The following MAF variants were observed in gnomAD, a reference collection of about 807,000 sequenced individuals.
MAF encodes the protein MAF bZIP transcription factor.
In MAF, 10 loss-of-function variants were observed where a neutral mutation model predicts 22.0. That is an observed-to-expected ratio of 0.45 (90% CI 0.28 to 0.77). The LOEUF (loss-of-function observed/expected upper bound fraction) is 0.77, where lower values mean the gene tolerates loss of function less well. Ranked by LOEUF, MAF falls within the 30% of genes least tolerant of loss-of-function variation. The probability of loss-of-function intolerance (pLI) is 0.12; values close to 1 mark genes in which losing one functional copy is unlikely to be tolerated. For missense variants in MAF, 544 were observed against 548.4 expected, an observed-to-expected ratio of 0.99 and a Z score of 0.08; for synonymous variants, 337 against 255.8, an observed-to-expected ratio of 1.32 and a Z score of -3.03.
the MAF span, among the ~76,000 whole-genome samples, chr16:79,347,991 T>C: frequency 6.6e-6 from 1 of 152,240 alleles, no homozygotes; most frequent in African/African-American, 2.4e-5. Flanking sequence ...AATTCCACTC[T>C]TTTTAATATT....
At chr16:79,233,970 C>T in the MAF span, among the ~76,000 whole-genome samples, 71,445 of 147,110 alleles carry the variant, frequency 0.49, 17,943 homozygotes, top group Non-Finnish European at 0.56. Context: ...CCAGTCTGGG[C>T]GAAAGAGTGA....
At chr16:79,538,938 C>T in the MAF span, among the ~76,000 whole-genome samples, 1 of 151,438 alleles carries the variant, frequency 6.6e-6, no homozygotes, top group Non-Finnish European at 1.5e-5. Context: ...AATACAAACA[C>T]TCTTGAAAAA....
chr16:79,439,523 G>A, the MAF span, among the ~76,000 whole-genome samples: 1 of 152,180 alleles, frequency 6.6e-6, no homozygotes, highest in East Asian at 1.9e-4. Flanking sequence ...GCCTCCCAAA[G>A]TGCCGGGATT....
chr16:79,447,093 A>C, the MAF span, among the ~76,000 whole-genome samples: 1 of 152,074 alleles, frequency 6.6e-6, no homozygotes, highest in African/African-American at 2.4e-5. Flanking sequence ...TTTCATGGAG[A>C]CATACAAAGT....
At chr16:79,547,106 C>G in the MAF span, among the ~76,000 whole-genome samples, 1 of 152,094 alleles carries the variant, frequency 6.6e-6, no homozygotes, top group Non-Finnish European at 1.5e-5. Flanking sequence ...GTATCTAGCA[C>G]TGTTGGGGGA....
At chr16:79,337,787 A>G in the MAF span, among the ~76,000 whole-genome samples, 2 of 152,326 alleles carry the variant, frequency 1.3e-5, no homozygotes, top group Non-Finnish European at 1.5e-5. Flanking sequence ...CCTATCGGAC[A>G]GTGCTCTGTA....
chr16:79,210,031 T>A, the MAF span, among the ~76,000 whole-genome samples: 1 of 152,098 alleles, frequency 6.6e-6, no homozygotes, highest in African/African-American at 2.4e-5. Context: ...TACTATTAAG[T>A]TCAAGTCATG....
chr16:79,471,544 G>T, the MAF span, among the ~76,000 whole-genome samples: 2 of 152,204 alleles, frequency 1.3e-5, no homozygotes, highest in African/African-American at 4.8e-5. Flanking sequence ...GGGCATGGTG[G>T]TGCACACCTG....
At chr16:79,422,387 G>C in the MAF span, among the ~76,000 whole-genome samples, 1 of 152,168 alleles carries the variant, frequency 6.6e-6, no homozygotes, top group East Asian at 1.9e-4. Context: ...TTCAAAGAAA[G>C]CATTTCATTG....
chr16:79,229,579 G>C, the MAF span: 4 of 152,238 alleles, frequency 2.6e-5, no homozygotes, highest in East Asian at 7.7e-4. Flanking sequence ...AGCGCGGCGT[G>C]GAGGCCGTTC....
the MAF span, among the ~76,000 whole-genome samples, chr16:79,325,598 A>AACACACACACACAC: frequency 2.7e-4 from 39 of 145,626 alleles, no homozygotes; most frequent in African/African-American, 9.2e-4. Flanking sequence ...CCCAGACACA[A>AACACACACACACAC]ACACACACAC....
At chr16:79,488,381 C>T in the MAF span, among the ~76,000 whole-genome samples, 17 of 152,134 alleles carry the variant, frequency 1.1e-4, no homozygotes, top group South Asian at 2.1e-4. Context: ...GGCTCTGGGG[C>T]GAGACTGCTT....
the MAF span, among the ~76,000 whole-genome samples, chr16:79,214,809 C>T: frequency 7.2e-6 from 1 of 139,428 alleles, no homozygotes; most frequent in Non-Finnish European, 1.5e-5. Context: ...CTCCCCGGTT[C>T]AAGCGATTCT....
the MAF span, among the ~76,000 whole-genome samples, chr16:79,524,388 T>C: frequency 1.3e-5 from 2 of 152,216 alleles, no homozygotes; most frequent in Non-Finnish European, 1.5e-5. Context: ...TGGGGATTTA[T>C]TTGCAACTGG....
the MAF span, among the ~76,000 whole-genome samples, chr16:79,354,555 A>G: frequency 2.0e-5 from 3 of 152,186 alleles, no homozygotes; most frequent in South Asian, 6.2e-4. Flanking sequence ...TCAAGAGAGA[A>G]GTAGAGAAGG....
the MAF span, among the ~76,000 whole-genome samples, chr16:79,370,798 A>G: frequency 4.6e-5 from 7 of 151,750 alleles, no homozygotes; most frequent in Admixed American, 4.6e-4. Flanking sequence ...CCACCTCCCA[A>G]TTTCACCCCT....
downstream of MAF, among the ~76,000 whole-genome samples, chr16:79,581,520 C>G (rs183329836): frequency 2.0e-3 from 308 of 152,308 alleles, 2 homozygotes; most frequent in Admixed American, 3.5e-3. Flanking sequence ...CTGTGGAACC[C>G]AATTTAAAGG....
chr16:79,592,847 CA>C (rs565393379), downstream of MAF, among the ~76,000 whole-genome samples: 1 of 152,086 alleles, frequency 6.6e-6, no homozygotes, highest in South Asian at 2.1e-4. Flanking sequence ...AATTATTTTT[CA>C]AAAATCAAAT....
chr16:79,455,059 G>A, the MAF span, among the ~76,000 whole-genome samples: 46 of 150,820 alleles, frequency 3.0e-4, no homozygotes, highest in Non-Finnish European at 6.3e-4. Flanking sequence ...TCGCACCATT[G>A]CACTACAGCC....
Sources: gnomAD v4.1 joint callset for allele counts (sites outside exome capture counted in the v4.1 genomes callset) on GRCh38, gnomAD v4.1.1 for gene constraint, MANE v1.5 for transcripts, NCBI Gene and HGNC (gene_info 2026-07-23, HGNC 2026-07-21) for gene names.